The following ADGB variants were observed in gnomAD, a reference collection of about 807,000 sequenced individuals.
ADGB encodes androglobin, also known as calpain-7-like protein.
In ADGB, 172 loss-of-function variants were observed where a neutral mutation model predicts 210.5. That is an observed-to-expected ratio of 0.82 (90% CI 0.72 to 0.93). The LOEUF is 0.93. Ranked by LOEUF, ADGB falls within the 40% of genes least tolerant of loss-of-function variation. ADGB has a pLI of 0.00. For missense variants in ADGB, 2,025 were observed against 1,964.8 expected, an observed-to-expected ratio of 1.03 and a Z score of -0.58; for synonymous variants, 658 against 662.7, an observed-to-expected ratio of 0.99 and a Z score of 0.11.
intron 29 of ADGB, among the ~76,000 whole-genome samples, chr6:146,771,731 T>A (rs1777656181): frequency 6.6e-6 from 1 of 152,212 alleles, no homozygotes; most frequent in South Asian, 2.1e-4. Flanking sequence ...ATGCTAAAGA[T>A]TTAAGTGCAA....
At chr6:146,804,545 G>A (rs1778182179) in intron 35 of ADGB, among the ~76,000 whole-genome samples, 1 of 151,976 alleles carries the variant, frequency 6.6e-6, no homozygotes, top group Admixed American at 6.6e-5. Flanking sequence ...CCCAAGCAGA[G>A]ACTATGGAGA....
intron 29 of ADGB, 22 bp downstream of exon 29, chr6:146,769,153 A>G (rs1415650625): frequency 1.7e-5 from 20 of 1,203,526 alleles, no homozygotes; most frequent in Admixed American, 2.1e-5. Context: ...TAAATGTTTA[A>G]ACATGCACTT....
intron 25 of ADGB, among the ~76,000 whole-genome samples, chr6:146,745,649 T>G (rs1777220386): frequency 6.6e-6 from 1 of 152,210 alleles, no homozygotes; most frequent in African/African-American, 2.4e-5. Flanking sequence ...GAAGAGGACA[T>G]AGTAATCATC....
At position 146,715,378 on chromosome 6, in the gene ADGB, A is replaced by G. The variant is rs375032252; in HGVS notation, c.1708-4A>G. The G allele has an allele frequency of 2.2e-5, 33 of 1,507,272 alleles. No individual in the cohort carries two copies. The African/African-American group carries it at 2.9e-4, about 13-fold the overall frequency. 93.4% of individuals were successfully genotyped at this position (1,507,272 alleles called of 1,614,324 possible). The stretch of plus-strand genomic sequence containing the variant: ...ATTCAAAGTGTGTTTCTTTTAATTC[A>G]TAGGGAAATACTGCTTCACAAGTTA... On this transcript the variant is annotated splice_region_variant and splice_polypyrimidine_tract_variant and intron_variant, in intron 13 of 35. Transcript: ENST00000397944.
At chr6:146,646,292 T>C (rs1583572801) in intron 3 of ADGB, among the ~76,000 whole-genome samples, 1 of 152,114 alleles carries the variant, frequency 6.6e-6, no homozygotes, top group Admixed American at 6.6e-5. Flanking sequence ...TGTGGCTACC[T>C]GTGCCAGGCC....
Position 146,815,130 on chromosome 6 carries a change from T to A in ADGB, c.4917T>A (p.Ala1639=), listed in dbSNP as rs1778366718. 3.9e-6 allele frequency: 6 copies of A among 1,548,094 alleles called. No homozygotes were observed. Among genetic ancestry groups the A allele is most frequent in the Non-Finnish European group, 5.2e-6 (6 of 1,146,158 alleles). The change falls in exon 36 of 36, where the codon GCT becomes GCA. Residue 1639 remains alanine (A), a synonymous_variant. Coordinates refer to ENST00000397944, the MANE Select transcript of ADGB (RefSeq NM_024694.4). ...EAEHLKLETL[A]AQEAAMKLET... ...AGCACCTAAAGCTGGAAACTCTGGC[T>A]GCTCAGGAAGCAGCCATGAAGCTGG...
chr6:146,793,563 C>T (rs939033663), intron 33 of ADGB, among the ~76,000 whole-genome samples: 3 of 152,086 alleles, frequency 2.0e-5, no homozygotes, highest in African/African-American at 7.2e-5. Context: ...ATTTGGGGTT[C>T]CATTTGTAAG....
intron 1 of ADGB, among the ~76,000 whole-genome samples, chr6:146,605,828 C>A (rs2114824484): frequency 6.6e-6 from 1 of 152,248 alleles, no homozygotes; most frequent in South Asian, 2.1e-4. Context: ...TAGTCTCAAT[C>A]TGAGCACTTG....
intron 12 of ADGB, among the ~76,000 whole-genome samples, chr6:146,695,725 T>G (rs1017018064): frequency 6.6e-6 from 1 of 151,988 alleles, no homozygotes; most frequent in African/African-American, 2.4e-5. Flanking sequence ...CTTCTAAATA[T>G]TAAAAGGAAT....
rs1051802980 is a variant in ADGB, at chr6:146,658,447, G to A, written c.612+1467G>A. The stretch of plus-strand genomic sequence containing the variant: ...GAAAGAAGGTACGCAGAGGAAAAGC[G>A]AGGAGATAAAATGCCCTGGTTCCTG... On this transcript the variant is annotated intron_variant, in intron 5 of 35. Coordinates refer to ENST00000397944, the MANE Select transcript of ADGB (RefSeq NM_024694.4). Among the ~76,000 whole-genome samples, 4 of 152,092 alleles carry A rather than the reference G, an allele frequency of 2.6e-5. No homozygotes were observed. The South Asian group carries it at 6.2e-4, about 24-fold the overall frequency.
intron 20 of ADGB, among the ~76,000 whole-genome samples, chr6:146,729,803 T>C (rs1415045289): frequency 6.6e-6 from 1 of 151,184 alleles, no homozygotes; most frequent in East Asian, 1.9e-4. Context: ...GAATTTGTCC[T>C]TTTCTTCTGG....
chr6:146,627,824 C>T (rs1477768187), intron 1 of ADGB, among the ~76,000 whole-genome samples: 1 of 152,126 alleles, frequency 6.6e-6, no homozygotes, highest in Non-Finnish European at 1.5e-5. Flanking sequence ...CTTCTGTATG[C>T]AAGAAATATG....
intron 1 of ADGB, among the ~76,000 whole-genome samples, chr6:146,602,728 A>G (rs145668098): frequency 7.9e-5 from 12 of 152,332 alleles, no homozygotes; most frequent in African/African-American, 2.6e-4. Context: ...GCTGTGCAGC[A>G]GGAGGTGAGA....
intron 1 of ADGB, among the ~76,000 whole-genome samples, chr6:146,632,846 C>A (rs1016198012): frequency 6.6e-6 from 1 of 152,082 alleles, no homozygotes; most frequent in Non-Finnish European, 1.5e-5. Context: ...GACACTGACC[C>A]AGCATTGTGG....
chr6:146,753,176 A>G (rs1777349595), intron 27 of ADGB, among the ~76,000 whole-genome samples: 1 of 152,074 alleles, frequency 6.6e-6, no homozygotes, highest in Non-Finnish European at 1.5e-5. Flanking sequence ...TATGTTAGTA[A>G]CTTGATTCTG....
At chr6:146,806,860 T>C (rs1435977632) in intron 35 of ADGB, among the ~76,000 whole-genome samples, 1 of 152,178 alleles carries the variant, frequency 6.6e-6, no homozygotes, top group Non-Finnish European at 1.5e-5. Context: ...AGCGTGCGGT[T>C]AAGCAAGAAT....
intron 27 of ADGB, among the ~76,000 whole-genome samples, chr6:146,757,539 T>G (rs1421935489): frequency 1.3e-5 from 2 of 151,896 alleles, no homozygotes; most frequent in African/African-American, 4.8e-5. Context: ...TTTTAATTAC[T>G]AGTTACTGTA....
intron 11 of ADGB, among the ~76,000 whole-genome samples, chr6:146,691,500 A>AT (rs71031007): frequency 8.8e-4 from 12 of 13,648 alleles, no homozygotes; most frequent in Non-Finnish European, 1.1e-3. Context: ...ATATATATAT[A>AT]TTTTTTTTTT....
At chr6:146,762,779 C>G (rs1777513442) in intron 27 of ADGB, among the ~76,000 whole-genome samples, 1 of 152,050 alleles carries the variant, frequency 6.6e-6, no homozygotes. Flanking sequence ...TTTCTTGGGT[C>G]TCAACTGAAT....
Sources: gnomAD v4.1 joint callset for allele counts (sites outside exome capture counted in the v4.1 genomes callset) on GRCh38, gnomAD v4.1.1 for gene constraint, MANE v1.5 for transcripts, NCBI Gene and HGNC (gene_info 2026-07-23, HGNC 2026-07-21) for gene names.